ZNF148: variants seen among roughly 807,000 people sequenced by gnomAD.
ZNF148 encodes the protein zinc finger protein 148, also known as Beta-Enolase Repressor Factor-1.
In ZNF148, 7 loss-of-function variants were observed where a neutral mutation model predicts 67.7. The observed-to-expected ratio is 0.10, with a 90% confidence interval of 0.06 to 0.19. ZNF148 has a LOEUF of 0.19. Ranked by LOEUF, ZNF148 falls within the 10% of genes least tolerant of loss-of-function variation. The pLI is 1.00. For missense variants in ZNF148, 583 were observed against 947.1 expected, an observed-to-expected ratio of 0.62 and a Z score of 5.05; for synonymous variants, 333 against 330.7, an observed-to-expected ratio of 1.01 and a Z score of -0.08.
At chr3:125,321,936 T>C (rs1403036084) in intron 3 of ZNF148, among the ~76,000 whole-genome samples, 1 of 151,820 alleles carries the variant, frequency 6.6e-6, no homozygotes, top group Non-Finnish European at 1.5e-5. Flanking sequence ...ATGCCTAGAT[T>C]GCTAATGGTT....
intron 1 of ZNF148, among the ~76,000 whole-genome samples, chr3:125,338,113 A>G (rs184195561): frequency 1.5e-4 from 23 of 152,072 alleles, no homozygotes; most frequent in African/African-American, 4.1e-4. Flanking sequence ...CCAAATCAAA[A>G]ACAAAAGCCA....
chr3:125,241,528 TTCTTA>T (rs954832578), intron 7 of ZNF148, among the ~76,000 whole-genome samples: 8 of 152,288 alleles, frequency 5.3e-5, no homozygotes, highest in South Asian at 2.1e-4. Flanking sequence ...TAATTCACTG[TTCTTA>T]TCTTTTCTTT....
At chr3:125,349,003 T>C (rs765189800) in intron 1 of ZNF148, among the ~76,000 whole-genome samples, 7 of 152,170 alleles carry the variant, frequency 4.6e-5, no homozygotes, top group Non-Finnish European at 1.0e-4. Context: ...GTCTCTTCAA[T>C]AAATGGTACT....
At chr3:125,289,802 T>G (rs1028384622) in intron 4 of ZNF148, among the ~76,000 whole-genome samples, 10 of 152,164 alleles carry the variant, frequency 6.6e-5, no homozygotes, top group Admixed American at 5.9e-4. Context: ...AAGAAGAGTG[T>G]AAGATAAATT....
At chr3:125,319,966 A>C (rs2107686957) in intron 3 of ZNF148, among the ~76,000 whole-genome samples, 1 of 152,312 alleles carries the variant, frequency 6.6e-6, no homozygotes, top group Admixed American at 6.5e-5. Flanking sequence ...CAAAGCAATC[A>C]AACTGTCCTT....
At chr3:125,270,124 A>T (rs191751673) in intron 7 of ZNF148, among the ~76,000 whole-genome samples, 65 of 152,272 alleles carry the variant, frequency 4.3e-4, no homozygotes, top group African/African-American at 1.3e-3. Flanking sequence ...AATTTTAATT[A>T]AAAAAAGTTT....
chr3:125,355,666 A>T (rs1282100219), intron 1 of ZNF148, among the ~76,000 whole-genome samples: 1 of 151,928 alleles, frequency 6.6e-6, no homozygotes, highest in African/African-American at 2.4e-5. Context: ...GCAGGAGGAT[A>T]GCTTGAGGCC....
intron 7 of ZNF148, among the ~76,000 whole-genome samples, chr3:125,244,501 G>T (rs866656386): frequency 1.8e-3 from 262 of 145,774 alleles, no homozygotes; most frequent in African/African-American, 5.9e-3. Flanking sequence ...AATCTTTTTT[G>T]TTTTTTTTTT....
intron 7 of ZNF148, among the ~76,000 whole-genome samples, chr3:125,237,707 A>C (rs575287475): frequency 3.9e-5 from 6 of 152,352 alleles, no homozygotes; most frequent in African/African-American, 1.4e-4. Context: ...CAATTCAATT[A>C]ATTCTATATA....
intron 1 of ZNF148, among the ~76,000 whole-genome samples, chr3:125,341,184 A>C (rs1036415447): frequency 3.3e-5 from 5 of 151,744 alleles, no homozygotes; most frequent in Non-Finnish European, 7.4e-5. Flanking sequence ...GAAAAAAAAA[A>C]CAGCCATAAT....
At chr3:125,323,026 C>CTA (rs1940853288) in intron 3 of ZNF148, among the ~76,000 whole-genome samples, 1 of 152,098 alleles carries the variant, frequency 6.6e-6, no homozygotes, top group Non-Finnish European at 1.5e-5. Context: ...GTAAAAAATG[C>CTA]TATACCCTGT....
chr3:125,370,794 T>C (rs1024998629), intron 1 of ZNF148, among the ~76,000 whole-genome samples: 1 of 152,190 alleles, frequency 6.6e-6, no homozygotes, highest in African/African-American at 2.4e-5. Context: ...CCCAACATAT[T>C]AGTGACTTAA....
At position 125,279,254 on chromosome 3, in the gene ZNF148, C is replaced by CCAA. The variant is rs758751282; in HGVS notation, c.460-8_460-7insTTG. On this transcript the variant is annotated splice_polypyrimidine_tract_variant and splice_region_variant and intron_variant, in intron 5 of 8. Transcript: ENST00000360647. ...CCTCATTTATTGTAAGGATCTAGTT[C>CCAA]AAAAAAAAAAAGGCAAAAACAAAAG... 4.6e-6 allele frequency: 6 copies of CCAA among 1,318,608 alleles called. No individual in the cohort carries two copies. In the African/African-American group the frequency reaches 9.5e-5, roughly 21 times the overall value. The allele number at this position is 1,318,608 out of a possible 1,614,324, so 81.7% of individuals were successfully genotyped here. A position where few individuals can be genotyped will look rare whatever the true frequency, so the allele number is the denominator to read the frequency against.
intron 1 of ZNF148, among the ~76,000 whole-genome samples, chr3:125,349,874 T>C (rs562017107): frequency 6.6e-5 from 10 of 152,270 alleles, no homozygotes; most frequent in Non-Finnish European, 1.3e-4. Flanking sequence ...GAGCTACTAT[T>C]TGACCCCACA....
intron 1 of ZNF148, among the ~76,000 whole-genome samples, chr3:125,332,309 A>C (rs1428363827): frequency 6.6e-6 from 1 of 152,318 alleles, no homozygotes; most frequent in South Asian, 2.1e-4. Flanking sequence ...TTTGCAGCCA[A>C]GCATTCAAAA....
At chr3:125,348,582 A>C (rs998352139) in intron 1 of ZNF148, among the ~76,000 whole-genome samples, 1 of 152,056 alleles carries the variant, frequency 6.6e-6, no homozygotes, top group African/African-American at 2.4e-5. Context: ...GAAAACTACA[A>C]AACACTGATG....
chr3:125,280,318 T>C (rs538263626), intron 5 of ZNF148, among the ~76,000 whole-genome samples: 85 of 152,220 alleles, frequency 5.6e-4, no homozygotes, highest in African/African-American at 1.8e-3. Context: ...GTTTGGATGG[T>C]ACCACAGAGA....
chr3:125,264,037 C>A (rs1392366970), intron 7 of ZNF148, among the ~76,000 whole-genome samples: 1 of 152,216 alleles, frequency 6.6e-6, no homozygotes, highest in Non-Finnish European at 1.5e-5. Context: ...GTGAACACAT[C>A]CAAGTGCCAG....
chr3:125,324,024 G>A (rs1940910114), intron 2 of ZNF148, among the ~76,000 whole-genome samples: 1 of 151,384 alleles, frequency 6.6e-6, no homozygotes, highest in African/African-American at 2.4e-5. Context: ...AAAGATACAG[G>A]ATATTCAAGG....
Sources: gnomAD v4.1 joint callset for allele counts (sites outside exome capture counted in the v4.1 genomes callset) on GRCh38, gnomAD v4.1.1 for gene constraint, MANE v1.5 for transcripts, NCBI Gene and HGNC (gene_info 2026-07-23, HGNC 2026-07-21) for gene names.